RBM25: variants seen among roughly 807,000 people sequenced by gnomAD.
The protein encoded by RBM25 is RNA-binding protein 25.
A neutral mutation model predicts 120.7 loss-of-function variants in RBM25; 19 were observed. That is an observed-to-expected ratio of 0.16 (90% confidence interval 0.11 to 0.23). The LOEUF is 0.23. RBM25 is among the 10% of genes least tolerant of loss of function. RBM25 has a pLI of 1.00. For synonymous variants in RBM25, 390 were observed against 326.7 expected (o/e 1.19, Z -2.09); for missense variants, 605 against 1,041.5 (o/e 0.58, Z 5.77).
intron 18 of RBM25, among the ~76,000 whole-genome samples, chr14:73,115,345 G>A (rs937819259): frequency 6.6e-6 from 1 of 152,050 alleles, no homozygotes; most frequent in South Asian, 2.1e-4. Context: ...CCTACGATAG[G>A]CCCCATTGTG....
intron 7 of RBM25, 96 bp from the exon 8 acceptor site, chr14:73,099,284 T>C (rs1324699943): frequency 9.4e-7 from 1 of 1,061,768 alleles, no homozygotes; most frequent in Admixed American, 2.3e-5. Flanking sequence ...GTGTACTGTA[T>C]TGTTCACGTC....
At chr14:73,074,913 C>T (rs1895378204) in intron 2 of RBM25, among the ~76,000 whole-genome samples, 1 of 151,054 alleles carries the variant, frequency 6.6e-6, no homozygotes, top group African/African-American at 2.4e-5. Flanking sequence ...GCCGTGTTGG[C>T]TCAAGCGATG....
At chr14:73,068,131 G>T in intron 1 of RBM25, 4 of 778,738 alleles carry the variant, frequency 5.1e-6, no homozygotes, top group Non-Finnish European at 8.6e-6. Context: ...GAACTGGAAG[G>T]TTGGTCCTAG....
chr14:73,120,340 A>C lies in RBM25; in HGVS notation c.*535A>C, dbSNP rs1896517814. 1 of 152,688 alleles carries C rather than the reference A, an allele frequency of 6.5e-6. No individual in the cohort carries two copies. The highest frequency in any genetic ancestry group is 6.5e-5 in the Admixed American group (1 of 15,282). 9.5% of individuals were successfully genotyped at this position (152,688 alleles called of 1,614,324 possible). A position where few individuals can be genotyped will look rare whatever the true frequency, so the allele number is the denominator to read the frequency against. ...GTATTTCTGTATGAATGTGTTTGTG[A>C]ATGTATGTGTAAAAGTCTTTCTTTT... On this transcript the variant is annotated 3_prime_UTR_variant, in exon 19 of 19. Coordinates refer to ENST00000261973, the MANE Select transcript of RBM25 (RefSeq NM_021239.3).
At chr14:73,079,569 A>G (rs1425334106) in intron 4 of RBM25, among the ~76,000 whole-genome samples, 4 of 150,678 alleles carry the variant, frequency 2.7e-5, no homozygotes, top group Non-Finnish European at 6.0e-5. Flanking sequence ...GGTTCACCTC[A>G]TGAGTAGTTC....
intron 6 of RBM25, among the ~76,000 whole-genome samples, chr14:73,092,217 AG>A (rs1490829991): frequency 2.8e-5 from 4 of 141,390 alleles, no homozygotes; most frequent in Non-Finnish European, 6.1e-5. Context: ...TGGGGGGTGT[AG>A]GGAGAGATGA....
intron 4 of RBM25, among the ~76,000 whole-genome samples, chr14:73,079,254 C>A (rs1438276440): frequency 6.6e-6 from 1 of 150,568 alleles, no homozygotes; most frequent in Non-Finnish European, 1.5e-5. Context: ...GAAACCCCAT[C>A]TCTACTAAAA....
chr14:73,084,661 T>C (rs1254153524), intron 5 of RBM25, among the ~76,000 whole-genome samples: 1 of 152,000 alleles, frequency 6.6e-6, no homozygotes, highest in Non-Finnish European at 1.5e-5. Context: ...CAAGCAATTC[T>C]CCTGCCCCAG....
intron 1 of RBM25, among the ~76,000 whole-genome samples, chr14:73,059,995 A>T (rs1310265872): frequency 6.6e-6 from 1 of 152,144 alleles, no homozygotes; most frequent in African/African-American, 2.4e-5. Context: ...ATTTTCAATG[A>T]AATGTAAGAG....
chr14:73,098,236 C>G (rs1895989992), intron 7 of RBM25, among the ~76,000 whole-genome samples: 1 of 152,188 alleles, frequency 6.6e-6, no homozygotes, highest in African/African-American at 2.4e-5. Context: ...CTAAAGTGAT[C>G]CTCATGTGTT....
At chr14:73,082,349 T>C (rs1435458632) in intron 4 of RBM25, among the ~76,000 whole-genome samples, 1 of 152,178 alleles carries the variant, frequency 6.6e-6, no homozygotes, top group Non-Finnish European at 1.5e-5. Flanking sequence ...TGGAGCATAG[T>C]GGCATGATTA....
At chr14:73,090,790 T>G (rs979571218) in intron 6 of RBM25, among the ~76,000 whole-genome samples, 1 of 152,212 alleles carries the variant, frequency 6.6e-6, no homozygotes, top group African/African-American at 2.4e-5. Flanking sequence ...CTCCACAGCA[T>G]CTAGGACAGT....
At chr14:73,089,521 A>T (rs1895762583) in intron 6 of RBM25, among the ~76,000 whole-genome samples, 1 of 147,916 alleles carries the variant, frequency 6.8e-6, no homozygotes, top group African/African-American at 2.5e-5. Flanking sequence ...CGTTCAGCAA[A>T]TTTTTGTATT....
chr14:73,114,458 G>C, intron 18 of RBM25, 125 bp downstream of exon 18: 2 of 591,448 alleles, frequency 3.4e-6, no homozygotes, highest in Non-Finnish European at 5.5e-6. Flanking sequence ...CTAGGCTTAA[G>C]TGATCCTCCT....
At chr14:73,106,172 G>C in intron 11 of RBM25, 24 bp from the exon 12 acceptor site, 1 of 1,576,370 alleles carries the variant, frequency 6.3e-7, no homozygotes, top group African/African-American at 1.4e-5. Flanking sequence ...AATTTTTAAA[G>C]CTTTGAAAAT....
In RBM25 at chr14:73,123,083, T is replaced by C. The variant is rs920856375; in HGVS notation, c.*3278T>C. ...TGAAAATTTTTTCTGTAGATAACTT[T>C]ATGTTGTAACTTATTCTGAATCTTA... On this transcript the variant is annotated 3_prime_UTR_variant, in exon 19 of 19. Coordinates refer to ENST00000261973, the MANE Select transcript of RBM25 (RefSeq NM_021239.3). 1 of 152,196 alleles carries C rather than the reference T, an allele frequency of 6.6e-6. No individual in the cohort carries two copies. The highest frequency in any genetic ancestry group is 6.6e-5 in the Admixed American group (1 of 15,260). The allele number at this position is 152,196 out of a possible 1,614,324, so 9.4% of individuals were successfully genotyped here.
intron 9 of RBM25, chr14:73,102,476 A>G (rs368572704): frequency 6.6e-6 from 1 of 152,178 alleles, no homozygotes; most frequent in Non-Finnish European, 1.5e-5. Context: ...TTGTAAATAT[A>G]TTTTCATTGT....
rs1896181216 is a variant in RBM25 at position 73,106,094 on chromosome 14, A to G, written c.1377+13A>G. The G allele has an allele frequency of 1.2e-6, 2 of 1,600,554 alleles. No homozygotes were observed. Among genetic ancestry groups the G allele is most frequent in the South Asian group, 1.1e-5 (1 of 88,092 alleles). The stretch of plus-strand genomic sequence containing the variant: ...TGCTTATCAAGAGGTAAGTTGAGAA[A>G]ATGCCTTTATTCTTAAATCTTGGTA... On this transcript the variant is annotated intron_variant, in intron 11 of 18. Transcript: ENST00000261973.
intron 13 of RBM25, 107 bp from the exon 14 acceptor site, chr14:73,109,235 C>T: frequency 8.3e-7 from 1 of 1,209,614 alleles, no homozygotes; most frequent in South Asian, 1.5e-5. Context: ...TCTTTAACCT[C>T]TTAGCATGCA....
Sources: allele counts gnomAD v4.1 joint callset (sites outside exome capture counted in the v4.1 genomes callset), GRCh38; gene constraint gnomAD v4.1.1; transcripts MANE v1.5; gene names NCBI Gene and HGNC (gene_info 2026-07-23, HGNC 2026-07-21).